The following SLC25A40 variants were observed in gnomAD, a reference collection of about 807,000 sequenced individuals.
SLC25A40 encodes solute carrier family 25 member 40.
SLC25A40 carries 41 observed loss-of-function variants against 46.5 expected under a neutral mutation model. The ratio of observed to expected loss-of-function variants is 0.88; its 90% confidence interval spans 0.69 to 1.14. SLC25A40 has a LOEUF of 1.14. SLC25A40 is among the 50% of genes most tolerant of loss of function. The pLI, the probability that SLC25A40 is intolerant of heterozygous loss-of-function variation, is 0.00. For synonymous variants in SLC25A40, 126 were observed against 127.5 expected (o/e 0.99, Z 0.08); for missense variants, 386 against 393.6 (o/e 0.98, Z 0.16).
intron 4 of SLC25A40, 90 bp from the exon 5 acceptor site, chr7:87,854,400 C>A: frequency 2.8e-6 from 2 of 725,916 alleles, no homozygotes; most frequent in Non-Finnish European, 4.6e-6. Context: ...AATGAGGAAA[C>A]TAGAAAATTA....
At chr7:87,869,560 A>G (rs1562751096) in intron 1 of SLC25A40, among the ~76,000 whole-genome samples, 1 of 151,824 alleles carries the variant, frequency 6.6e-6, no homozygotes, top group Non-Finnish European at 1.5e-5. Flanking sequence ...ATCCAAAAAA[A>G]ACCTCTCCCC....
chr7:87,839,741 T>C (rs553332323), intron 10 of SLC25A40, among the ~76,000 whole-genome samples: 6 of 151,922 alleles, frequency 3.9e-5, no homozygotes, highest in Admixed American at 3.9e-4. Context: ...TATACCAGCA[T>C]GGTGCCTGAC....
Sources: gnomAD v4.1 joint callset for allele counts (sites outside exome capture counted in the v4.1 genomes callset) on GRCh38, gnomAD v4.1.1 for gene constraint, MANE v1.5 for transcripts, NCBI Gene and HGNC (gene_info 2026-07-23, HGNC 2026-07-21) for gene names.